NIPBL: variants seen among roughly 807,000 people sequenced by gnomAD.
NIPBL encodes nipped-B-like protein.
NIPBL carries 19 observed loss-of-function variants against 321.8 expected under a neutral mutation model. That is an observed-to-expected ratio of 0.06 (90% CI 0.04 to 0.09). The LOEUF (loss-of-function observed/expected upper bound fraction) is 0.09. Ranked by LOEUF, NIPBL falls within the 10% of genes least tolerant of loss-of-function variation. The probability of loss-of-function intolerance (pLI) is 1.00; values close to 1 mark genes in which losing one functional copy is unlikely to be tolerated. For missense variants in NIPBL, 2,210 were observed against 3,327.0 expected (o/e 0.66, Z 8.26); for synonymous variants, 1,106 against 1,114.1 (o/e 0.99, Z 0.14).
At chr5:37,064,502 T>C in intron 46 of NIPBL, 25 bp from the exon 47 acceptor site, 1 of 1,609,034 alleles carries the variant, frequency 6.2e-7, no homozygotes, top group Non-Finnish European at 8.5e-7. Context: ...CACTTGGTCT[T>C]TTTTCCCCCC....
chr5:36,967,453 A>G (rs1742328478), intron 6 of NIPBL, among the ~76,000 whole-genome samples: 1 of 152,216 alleles, frequency 6.6e-6, no homozygotes, highest in East Asian at 1.9e-4. Context: ...TCTACCAAAC[A>G]TTAAATGAAG....
At chr5:37,026,474 G>C (rs1183712644) in intron 31 of NIPBL, 147 bp downstream of exon 31, 5 of 679,944 alleles carry the variant, frequency 7.4e-6, no homozygotes, top group African/African-American at 1.8e-5. Flanking sequence ...TTCTGGAGAT[G>C]CTGAAGGGAT....
At chr5:36,991,540 A>C (rs1745515454) in intron 10 of NIPBL, among the ~76,000 whole-genome samples, 1 of 152,108 alleles carries the variant, frequency 6.6e-6, no homozygotes, top group Non-Finnish European at 1.5e-5. Context: ...GAATCATTTG[A>C]TCCCTGCCCC....
intron 1 of NIPBL, among the ~76,000 whole-genome samples, chr5:36,887,813 C>T (rs1001995659): frequency 2.6e-5 from 4 of 152,142 alleles, no homozygotes; most frequent in Non-Finnish European, 5.9e-5. Context: ...CCTGATGTCC[C>T]ATGAATAACA....
In NIPBL at chr5:36,976,277, A is replaced by C; in HGVS notation, c.1370A>C (p.Gln457Pro). The change falls in exon 9 of 47, where the codon CAA becomes CCA. Residue 457 changes from glutamine (Q) to proline (P), a missense_variant. Transcript: ENST00000282516. ...CAGACTTCTGTGGTACAGAATCAAC[A>C]ACAGATATCACAACAGGGACCTATA... Reference protein sequence around the residue: ...QPQTSVVQNQQQISQQGPIYD... With the variant: ...QPQTSVVQNQPQISQQGPIYD... 6.2e-7 allele frequency: 1 copy of C among 1,613,822 alleles called. No homozygotes were observed. Among genetic ancestry groups the C allele is most frequent in the African/African-American group, 1.3e-5 (1 of 75,034 alleles).
rs751002842 is a variant in NIPBL at position 37,007,651 on chromosome 5, C to G, written c.4239+177C>G. ...CAGGAGTTTTAAAAAGACATTTTAT[C>G]AGGAGACAAACAAATGTAGTGTAAA... On this transcript the variant is annotated intron_variant, in intron 18 of 46. Coordinates refer to ENST00000282516, the MANE Select transcript of NIPBL (RefSeq NM_133433.4). 5.5e-4 allele frequency among the ~76,000 whole-genome samples: 83 copies of G among 151,920 alleles called. 2 individuals are homozygous for G. The highest frequency in any genetic ancestry group is 3.2e-3 in the Middle Eastern group (1 of 316).
At chr5:37,032,468 T>C (rs995979336) in intron 32 of NIPBL, among the ~76,000 whole-genome samples, 8 of 147,024 alleles carry the variant, frequency 5.4e-5, no homozygotes, top group South Asian at 2.2e-4. Context: ...GCAGAAAAAA[T>C]CTTAAAGGTA....
At position 37,064,952 on chromosome 5, in the gene NIPBL, A is replaced by C; in HGVS notation, c.*60A>C. 6.2e-7 allele frequency: 1 copy of C among 1,601,916 alleles called. No homozygotes were observed. Among genetic ancestry groups the C allele is most frequent in the Non-Finnish European group, 8.5e-7 (1 of 1,170,718 alleles). The stretch of plus-strand genomic sequence containing the variant: ...TTTTTAAAAGGCAGAAAAACTTGAA[A>C]TACCAACATTCTGGCAAAAAAAAAT... On this transcript the variant is annotated 3_prime_UTR_variant, in exon 47 of 47. Transcript: ENST00000282516.
At chr5:36,961,342 G>A (rs952050557) in intron 4 of NIPBL, 142 bp from the exon 5 acceptor site, 5 of 642,740 alleles carry the variant, frequency 7.8e-6, no homozygotes, top group Admixed American at 5.2e-5. Flanking sequence ...CAGTTTTACA[G>A]CGTCTATATT....
chr5:37,020,938 G>C, intron 27 of NIPBL, 61 bp downstream of exon 27: 1 of 1,091,428 alleles, frequency 9.2e-7, no homozygotes. Flanking sequence ...GGATGCTTGT[G>C]AGCAGTATAT....
rs1286357184 is a variant in NIPBL, at chr5:36,953,748, A to G, written c.52A>G (p.Ser18Gly). 3.7e-6 allele frequency: 6 copies of G among 1,613,274 alleles called. No homozygotes were observed. Among genetic ancestry groups the G allele is most frequent in the Non-Finnish European group, 4.2e-6 (5 of 1,179,218 alleles). Residue 18 changes from serine to glycine, a missense_variant, in exon 2 of 47, where the codon AGT becomes GGT. By Grantham distance (56) the Ser-to-Gly change is moderately conservative. Around this residue, in one of 14 missense-constraint regions of NIPBL, gnomAD observed 28 missense variants for 65.5 expected, o/e 0.43. Coordinates refer to ENST00000282516, the MANE Select transcript of NIPBL (RefSeq NM_133433.4). ...VPITTLAGIASLTDLLNQLPL... is the reference protein window; with the variant it reads ...VPITTLAGIAGLTDLLNQLPL... Reference sequence around the variant, plus strand: ...CATTACTACTCTTGCGGGGATTGCTAGTCTCACAGACCGTAAGTTTGGTTA... The same window carrying G: ...CATTACTACTCTTGCGGGGATTGCTGGTCTCACAGACCGTAAGTTTGGTTA...
In NIPBL at chr5:36,985,453, C is replaced by T. The variant is rs1481299637; in HGVS notation, c.2273C>T (p.Pro758Leu). The T allele has an allele frequency of 1.9e-6, 3 of 1,613,524 alleles. No individual in the cohort carries two copies. Among genetic ancestry groups the T allele is most frequent in the South Asian group, 2.2e-5 (2 of 91,078 alleles). ...AAAAATGAAGGGCGACCTGAAACAC[C>T]AAAACACAGGCATGACAATAGGAGG... ...KQKNEGRPET[P>L]KHRHDNRRDS... Residue 758 changes from proline to leucine, a missense_variant, in exon 10 of 47, where the codon CCA becomes CTA. Pro to Leu is a moderately conservative substitution (Grantham distance 98). Transcript: ENST00000282516.
chr5:36,932,788 T>TTTG (rs1749875245), intron 1 of NIPBL, among the ~76,000 whole-genome samples: 1 of 148,722 alleles, frequency 6.7e-6, no homozygotes. Flanking sequence ...GTTTTTTTTT[T>TTTG]TTTTTTTTTT....
chr5:36,891,313 A>G (rs973308258), intron 1 of NIPBL, among the ~76,000 whole-genome samples: 4 of 152,144 alleles, frequency 2.6e-5, no homozygotes, highest in African/African-American at 9.7e-5. Context: ...CACCCATATT[A>G]TAGTCTAATA....
At position 36,917,700 on chromosome 5, in the gene NIPBL, A is replaced by G. The variant is rs1040405394; in HGVS notation, c.-79-35918A>G. 2.3e-4 allele frequency among the ~76,000 whole-genome samples: 35 copies of G among 152,128 alleles called. 1 individual carries two copies. The highest frequency in any genetic ancestry group is 7.2e-5 in the African/African-American group (3 of 41,420). ...TAATCCTTCTTGAATTAATTTTTGT[A>G]TAAGGTGTAAGGAAGGGATTCAGTT... is the stretch of plus-strand genomic sequence containing the variant. On this transcript the variant is annotated intron_variant, in intron 1 of 46. Coordinates refer to ENST00000282516, the MANE Select transcript of NIPBL (RefSeq NM_133433.4).
intron 1 of NIPBL, among the ~76,000 whole-genome samples, chr5:36,902,754 G>A (rs772893586): frequency 2.6e-5 from 4 of 151,832 alleles, no homozygotes; most frequent in Non-Finnish European, 5.9e-5. Flanking sequence ...GTGAATTTTA[G>A]AAGTTTTTTG....
At chr5:37,021,210 A>G (rs766368099) in intron 27 of NIPBL, among the ~76,000 whole-genome samples, 3 of 152,152 alleles carry the variant, frequency 2.0e-5, no homozygotes, top group Non-Finnish European at 4.4e-5. Flanking sequence ...GAGGCCGGAG[A>G]ATTGCTTGAA....
At chr5:37,019,075 C>T (rs1238435895) in intron 24 of NIPBL, among the ~76,000 whole-genome samples, 2 of 152,082 alleles carry the variant, frequency 1.3e-5, no homozygotes, top group African/African-American at 4.8e-5. Context: ...TGGACTCCAG[C>T]CTGGGCGACA....
At chr5:36,928,572 G>A (rs1023471839) in intron 1 of NIPBL, among the ~76,000 whole-genome samples, 6 of 152,062 alleles carry the variant, frequency 3.9e-5, no homozygotes, top group Non-Finnish European at 8.8e-5. Context: ...GGTATGATCC[G>A]CTTAATATAA....
Sources: gnomAD v4.1 joint callset for allele counts (sites outside exome capture counted in the v4.1 genomes callset) on GRCh38, gnomAD v4.1.1 for gene constraint, gnomAD v4.1.1 regional missense constraint, MANE v1.5 for transcripts, NCBI Gene and HGNC (gene_info 2026-07-23, HGNC 2026-07-21) for gene names.